ESR2: variants seen among roughly 807,000 people sequenced by gnomAD.
The protein encoded by ESR2 is estrogen receptor 2, also known as estrogen receptor beta.
A neutral mutation model predicts 49.6 loss-of-function variants in ESR2; 36 were observed. The observed-to-expected ratio is 0.73, with a 90% CI of 0.56 to 0.96. The LOEUF is 0.96. Among genes scored for constraint, ESR2 ranks in the 40% least tolerant of loss-of-function variants. ESR2 has a pLI of 0.00. For missense variants in ESR2, 714 were observed against 693.0 expected (o/e 1.03, Z -0.34); for synonymous variants, 320 against 266.1 (o/e 1.20, Z -1.97).
chr14:64,295,496 C>T (rs2076945036), upstream of ESR2, among the ~76,000 whole-genome samples: 1 of 152,184 alleles, frequency 6.6e-6, no homozygotes, highest in Non-Finnish European at 1.5e-5. Flanking sequence ...GTCTCCACTG[C>T]CCCACCCTAA....
At position 64,260,542 on chromosome 14, in the gene ESR2, C is replaced by T. The variant is rs2076191938; in HGVS notation, c.859G>A (p.Ala287Thr). ...PPHVLISRPS[A>T]PFTEASMMMS... ...ATCATGGAGGCCTCGGTGAAGGGCG[C>T]ACTGGGGCGGCTGATCAGCACATGG... is the stretch of plus-strand genomic sequence containing the variant. The change falls in exon 5 of 9, where the codon GCG (alanine) becomes ACG (threonine). Residue 287 changes from alanine (A) to threonine (T), a missense_variant. By Grantham distance (58) the Ala-to-Thr change is moderately conservative. Transcript: ENST00000341099. The T allele has an allele frequency of 6.3e-7, 1 of 1,576,724 alleles. No individual in the cohort carries two copies. Among genetic ancestry groups the T allele is most frequent in the Non-Finnish European group, 8.6e-7 (1 of 1,160,292 alleles).
intron 1 of ESR2, among the ~76,000 whole-genome samples, chr14:64,312,763 T>C (rs2077200585): frequency 1.3e-5 from 2 of 151,794 alleles, no homozygotes; most frequent in African/African-American, 4.8e-5. Flanking sequence ...AAAAAAATTA[T>C]CCAGGCATGG....
chr14:64,247,430 G>A (rs747966215), intron 7 of ESR2, among the ~76,000 whole-genome samples: 8 of 152,150 alleles, frequency 5.3e-5, no homozygotes, highest in Non-Finnish European at 1.2e-4. Flanking sequence ...AGAGGCAGCT[G>A]GAAACATGTG....
In ESR2 at chr14:64,231,254, G is replaced by A. The variant is rs1466844772; in HGVS notation, c.*1883C>T. 1 of 152,092 alleles carries A rather than the reference G, an allele frequency of 6.6e-6. No homozygotes were observed. The highest frequency in any genetic ancestry group is 1.5e-5 in the Non-Finnish European group (1 of 68,034). The allele number at this position is 152,092 out of a possible 1,614,324, so 9.4% of individuals were successfully genotyped here. ...AAATACATTTAATAGAATTTCACTGGCAGATAATGAGTTGCTGAAGGCTGC... is the reference window on the plus strand; with the variant it reads ...AAATACATTTAATAGAATTTCACTGACAGATAATGAGTTGCTGAAGGCTGC... On this transcript the variant is annotated 3_prime_UTR_variant, in exon 9 of 9. Transcript: ENST00000341099.
chr14:64,283,580 G>A (rs1054675788), intron 1 of ESR2, among the ~76,000 whole-genome samples: 1 of 151,658 alleles, frequency 6.6e-6, no homozygotes, highest in Non-Finnish European at 1.5e-5. Flanking sequence ...GCAACATGGT[G>A]AAACCCCGTC....
chr14:64,315,243 C>CAAAA (rs201805001), intron 1 of ESR2, among the ~76,000 whole-genome samples: 4 of 46,822 alleles, frequency 8.5e-5, no homozygotes, highest in South Asian at 8.4e-4. Context: ...GAGTCTGTCT[C>CAAAA]AAAAAAAAAA....
intron 4 of ESR2, among the ~76,000 whole-genome samples, chr14:64,266,861 T>C (rs1324229590): frequency 1.3e-5 from 2 of 152,174 alleles, no homozygotes; most frequent in Non-Finnish European, 2.9e-5. Context: ...TAAGATTTTA[T>C]TCAAAACTTT....
At chr14:64,307,507 C>A (rs1009055461) in intron 1 of ESR2, among the ~76,000 whole-genome samples, 1 of 151,272 alleles carries the variant, frequency 6.6e-6, no homozygotes, top group South Asian at 2.1e-4. Flanking sequence ...GCCACCACAC[C>A]GGTCTTTTAA....
downstream of ESR2, chr14:64,227,818 G>A (rs1596352697): frequency 5.7e-6 from 9 of 1,573,264 alleles, no homozygotes; most frequent in Middle Eastern, 3.4e-4. Context: ...TTATGAGGTA[G>A]TCTGGGTTTT....
chr14:64,284,246 T>C (rs2076745569), intron 1 of ESR2, among the ~76,000 whole-genome samples: 1 of 150,816 alleles, frequency 6.6e-6, no homozygotes, highest in Non-Finnish European at 1.5e-5. Flanking sequence ...CAGTTTTGAA[T>C]GTGCCCTTCA....
At chr14:64,306,034 C>A (rs2077092403) in intron 1 of ESR2, among the ~76,000 whole-genome samples, 2 of 151,996 alleles carry the variant, frequency 1.3e-5, no homozygotes, top group South Asian at 4.2e-4. Flanking sequence ...CATGGTGAAA[C>A]CCCGTCCCTA....
chr14:64,290,452 G>A (rs2076853591), intron 1 of ESR2, among the ~76,000 whole-genome samples: 1 of 151,904 alleles, frequency 6.6e-6, no homozygotes, highest in Non-Finnish European at 1.5e-5. Context: ...GCCCAGGCTG[G>A]AATGCAGTGG....
At position 64,310,493 on chromosome 14, in the gene ESR2, C is replaced by T. The variant is rs1422822494; in HGVS notation, c.-91+27405G>A. On this transcript the variant is annotated intron_variant, in intron 1 of 8. Transcript: ENST00000358599. ...GAGAACTTTTTTTTTTTTTTTTAGA[C>T]GGAGTTTCTCTCTTGTTGCCCAGGC... is the stretch of plus-strand genomic sequence containing the variant. Among the ~76,000 whole-genome samples, 7 of 142,130 alleles carry T rather than the reference C, an allele frequency of 4.9e-5. No homozygotes were observed. In the South Asian group the frequency reaches 8.9e-4, roughly 18 times the overall value. The allele number at this position is 142,130 out of a possible 152,430, so 93.2% of individuals were successfully genotyped here.
rs140861234 is a variant in ESR2, at chr14:64,229,132, A to G, written c.*4005T>C. 6.6e-6 allele frequency among the ~76,000 whole-genome samples: 1 copy of G among 152,286 alleles called. No individual in the cohort carries two copies. Among genetic ancestry groups the G allele is most frequent in the African/African-American group, 2.4e-5 (1 of 41,548 alleles). ...GATGGGACAATGGGAATAACAGATTATGCATCTTATTTTTCCATCTGTCAT... is the reference window on the plus strand; with the variant it reads ...GATGGGACAATGGGAATAACAGATTGTGCATCTTATTTTTCCATCTGTCAT... On this transcript the variant is annotated 3_prime_UTR_variant, in exon 9 of 9. Coordinates refer to ENST00000341099, the MANE Select transcript of ESR2 (RefSeq NM_001437.3).
At chr14:64,258,437 G>C (rs962858939) in intron 5 of ESR2, among the ~76,000 whole-genome samples, 8 of 152,156 alleles carry the variant, frequency 5.3e-5, no homozygotes, top group Admixed American at 5.2e-4. Flanking sequence ...GCCTTGGAGT[G>C]AAATGGACTC....
At chr14:64,302,746 A>C (rs1033253367) in intron 1 of ESR2, among the ~76,000 whole-genome samples, 1 of 152,232 alleles carries the variant, frequency 6.6e-6, no homozygotes, top group African/African-American at 2.4e-5. Context: ...AAGCTTCAGC[A>C]GCATGCAAGA....
intron 6 of ESR2, among the ~76,000 whole-genome samples, chr14:64,256,545 A>G (rs771260298): frequency 3.3e-5 from 5 of 152,186 alleles, no homozygotes; most frequent in Non-Finnish European, 7.3e-5. Context: ...CCTGGCCAAC[A>G]TGGTGAAACC....
In ESR2 at chr14:64,233,390, C is replaced by G. The variant is rs1228153295; in HGVS notation, c.1407-67G>C. ...AGCCACAGGAACCCCGAAGCCTTCC[C>G]CGGCTCTCTTTGCTCAGAGCCAGTC... On this transcript the variant is annotated intron_variant, in intron 8 of 8. Transcript: ENST00000341099. 4.6e-6 allele frequency: 7 copies of G among 1,513,048 alleles called. No homozygotes were observed. The South Asian group carries it at 8.5e-5, about 18-fold the overall frequency. 93.7% of individuals were successfully genotyped at this position (1,513,048 alleles called of 1,614,324 possible).
At chr14:64,227,405 C>T (rs1353775733), downstream of ESR2, 3 of 1,081,672 alleles carry the variant, frequency 2.8e-6, no homozygotes, top group Non-Finnish European at 4.0e-6. Flanking sequence ...AACCACATAA[C>T]TAACTTCAAA....
Sources: gnomAD v4.1 joint callset for allele counts (sites outside exome capture counted in the v4.1 genomes callset) on GRCh38, gnomAD v4.1.1 for gene constraint, MANE v1.5 for transcripts, NCBI Gene and HGNC (gene_info 2026-07-23, HGNC 2026-07-21) for gene names.